CNTN6: variants seen among roughly 807,000 people sequenced by gnomAD.
The protein encoded by CNTN6 is contactin 6.
Under a neutral mutation model 122.8 loss-of-function variants are expected in CNTN6, and 137 were observed. The observed-to-expected ratio is 1.12, with a 90% confidence interval of 0.97 to 1.29. The LOEUF (loss-of-function observed/expected upper bound fraction) is 1.29. Ranked by LOEUF, CNTN6 falls within the 50% of genes most tolerant of loss-of-function variation. CNTN6 has a pLI of 0.00. For synonymous variants in CNTN6, 570 were observed against 426.0 expected (o/e 1.34, Z -4.16); for missense variants, 1,634 against 1,223.4 (o/e 1.34, Z -5.01).
intron 2 of CNTN6, among the ~76,000 whole-genome samples, chr3:1,178,316 T>G (rs907149927): frequency 6.6e-6 from 1 of 152,184 alleles, no homozygotes; most frequent in African/African-American, 2.4e-5. Flanking sequence ...AGGAATTCCT[T>G]AATGACATCT....
chr3:1,255,313 C>G (rs1001155490), intron 4 of CNTN6, among the ~76,000 whole-genome samples: 1 of 151,918 alleles, frequency 6.6e-6, no homozygotes, highest in Non-Finnish European at 1.5e-5. Flanking sequence ...TGTAATCACT[C>G]TCCCATGGTG....
chr3:1,127,149 T>C (rs748876194), intron 1 of CNTN6, among the ~76,000 whole-genome samples: 1 of 151,740 alleles, frequency 6.6e-6, no homozygotes, highest in Non-Finnish European at 1.5e-5. Context: ...ACGAGCAAAA[T>C]AGAAAAGTTG....
intron 11 of CNTN6, among the ~76,000 whole-genome samples, chr3:1,334,375 TA>T (rs1462774754): frequency 1.7e-5 from 1 of 58,972 alleles, no homozygotes; most frequent in Admixed American, 1.9e-4. Flanking sequence ...CTCCTCTTTT[TA>T]TTTTTTTTTT....
intron 1 of CNTN6, among the ~76,000 whole-genome samples, chr3:1,122,527 C>A (rs1225699172): frequency 1.3e-5 from 2 of 150,054 alleles, no homozygotes; most frequent in African/African-American, 2.4e-5. Context: ...TGCACAACCA[C>A]CACTATCCTC....
chr3:1,198,890 A>G lies in CNTN6; in HGVS notation c.56-21797A>G, dbSNP rs751661210. 3.9e-5 allele frequency among the ~76,000 whole-genome samples: 6 copies of G among 152,278 alleles called. No individual in the cohort carries two copies. In the East Asian group the frequency reaches 7.7e-4, roughly 20 times the overall value. ...TTGTTAAAAATCTTGTAATTTGTTA[A>G]AACCTGGATTTTGACTGGGCCTTAA... On this transcript the variant is annotated intron_variant, in intron 2 of 22. Coordinates refer to ENST00000446702, the MANE Select transcript of CNTN6 (RefSeq NM_001289080.2).
At chr3:1,102,105 C>T (rs2090929613) in intron 1 of CNTN6, among the ~76,000 whole-genome samples, 1 of 152,122 alleles carries the variant, frequency 6.6e-6, no homozygotes. Context: ...ATCATTCATG[C>T]ATGTAAGAGG....
intron 11 of CNTN6, among the ~76,000 whole-genome samples, chr3:1,346,835 G>A (rs375392428): frequency 1.3e-5 from 2 of 152,088 alleles, no homozygotes; most frequent in Non-Finnish European, 2.9e-5. Flanking sequence ...CCTCCAAGTG[G>A]ATGTGATGTG....
intron 17 of CNTN6, among the ~76,000 whole-genome samples, chr3:1,382,376 T>C (rs2126177691): frequency 6.6e-6 from 1 of 152,330 alleles, no homozygotes; most frequent in South Asian, 2.1e-4. Flanking sequence ...CAGTTTATTC[T>C]TTCATGTGAG....
chr3:1,309,621 C>T (rs550992195), intron 7 of CNTN6, among the ~76,000 whole-genome samples: 11 of 152,092 alleles, frequency 7.2e-5, no homozygotes, highest in Admixed American at 2.0e-4. Flanking sequence ...TTTTGCTTTC[C>T]TTGTCTTTCC....
chr3:1,278,661 T>C (rs1440152323), intron 5 of CNTN6, among the ~76,000 whole-genome samples, 153 bp downstream of exon 5: 1 of 152,188 alleles, frequency 6.6e-6, no homozygotes, highest in Non-Finnish European at 1.5e-5. Context: ...TAGTTCTATA[T>C]CTAAACATTT....
chr3:1,138,254 A>G (rs534049979), intron 1 of CNTN6, among the ~76,000 whole-genome samples: 1 of 152,202 alleles, frequency 6.6e-6, no homozygotes, highest in African/African-American at 2.4e-5. Context: ...GCTTTTATTA[A>G]TGCAACCTAA....
At chr3:1,335,042 T>C (rs925403183) in intron 11 of CNTN6, among the ~76,000 whole-genome samples, 2 of 152,148 alleles carry the variant, frequency 1.3e-5, no homozygotes, top group Admixed American at 1.3e-4. Flanking sequence ...CCCTTTCTTA[T>C]GATAATGTTT....
chr3:1,175,356 A>ATGAT (rs1397935233), intron 2 of CNTN6, among the ~76,000 whole-genome samples: 1 of 150,832 alleles, frequency 6.6e-6, no homozygotes, highest in African/African-American at 2.5e-5. Flanking sequence ...AATTTTACCA[A>ATGAT]TGATTAGATA....
At chr3:1,171,876 G>A (rs996394944) in intron 2 of CNTN6, among the ~76,000 whole-genome samples, 19 of 152,114 alleles carry the variant, frequency 1.2e-4, no homozygotes, top group African/African-American at 3.6e-4. Context: ...CAAAGTGCTC[G>A]CATTACAGGC....
At position 1,160,660 on chromosome 3, in the gene CNTN6, C is replaced by T. The variant is rs1219584008; in HGVS notation, c.55+12597C>T. Reference sequence around the variant, plus strand: ...TATCACCAATGTAGTCATAAATGTACGTAAAAAAAAAAAAAAAGAAAAATT... The same window carrying T: ...TATCACCAATGTAGTCATAAATGTATGTAAAAAAAAAAAAAAAGAAAAATT... On this transcript the variant is annotated intron_variant, in intron 2 of 22. Transcript: ENST00000446702. Among the ~76,000 whole-genome samples the T allele has an allele frequency of 6.5e-4, 83 of 127,814 alleles. 2 individuals carry two copies. The highest frequency in any genetic ancestry group is 2.3e-3 in the African/African-American group (74 of 32,702). The allele number at this position is 127,814 out of a possible 152,430, so 83.9% of individuals were successfully genotyped here.
intron 4 of CNTN6, among the ~76,000 whole-genome samples, chr3:1,255,597 A>T (rs907057309): frequency 6.6e-6 from 1 of 152,030 alleles, no homozygotes; most frequent in Admixed American, 6.6e-5. Flanking sequence ...CAATTTTAAG[A>T]AATGTATTAT....
In CNTN6 at chr3:1,385,704, G is replaced by A; in HGVS notation, c.2611G>A (p.Ala871Thr). The A allele has an allele frequency of 1.2e-6, 2 of 1,614,130 alleles. No individual in the cohort carries two copies. The highest frequency in any genetic ancestry group is 1.7e-6 in the Non-Finnish European group (2 of 1,179,988). Residue 871 changes from alanine (A) to threonine (T), a missense_variant, in exon 20 of 23, where the codon GCT (alanine) becomes ACT (threonine). Ala to Thr is a moderately conservative substitution (Grantham distance 58, BLOSUM62 0). Coordinates refer to ENST00000446702, the MANE Select transcript of CNTN6 (RefSeq NM_001289080.2). The part of the protein sequence containing the change: ...VTTKNITGLK[A>T]NTIYFASVRA... ...AACCAAAAACATCACGGGGCTGAAAGCTAATACCATCTACTTTGCTTCCGT... is the reference window on the plus strand; with the variant it reads ...AACCAAAAACATCACGGGGCTGAAAACTAATACCATCTACTTTGCTTCCGT...
In CNTN6 at chr3:1,403,521, T is replaced by G. The variant is rs575962665; in HGVS notation, c.*103T>G. ...GATGCGTTCTTAATACAGACTTGTT[T>G]GCAAAGAAAAAAAAAAGTATATTAT... On this transcript the variant is annotated 3_prime_UTR_variant, in exon 23 of 23. Transcript: ENST00000446702. 1 of 563,428 alleles carries G rather than the reference T, an allele frequency of 1.8e-6. No individual in the cohort carries two copies. Among genetic ancestry groups the G allele is most frequent in the East Asian group, 3.1e-5 (1 of 32,402 alleles). 34.9% of individuals were successfully genotyped at this position (563,428 alleles called of 1,614,324 possible). A position where few individuals can be genotyped will look rare whatever the true frequency, so the allele number is the denominator to read the frequency against.
At position 1,158,789 on chromosome 3, in the gene CNTN6, T is replaced by G. The variant is rs1190315754; in HGVS notation, c.55+10726T>G. Among the ~76,000 whole-genome samples, 6 of 110,460 alleles carry G rather than the reference T, an allele frequency of 5.4e-5. 1 individual carries two copies. The highest frequency in any genetic ancestry group is 1.1e-4 in the Non-Finnish European group (6 of 55,548). 72.5% of individuals were successfully genotyped at this position (110,460 alleles called of 152,430 possible). A position where few individuals can be genotyped will look rare whatever the true frequency, so the allele number is the denominator to read the frequency against. On this transcript the variant is annotated intron_variant, in intron 2 of 22. Coordinates refer to ENST00000446702, the MANE Select transcript of CNTN6 (RefSeq NM_001289080.2). The stretch of plus-strand genomic sequence containing the variant: ...ACACACATATATATGTGTGTATATA[T>G]GTGTATATATATACACACATATATA...
Sources: gnomAD v4.1 joint callset for allele counts (sites outside exome capture counted in the v4.1 genomes callset) on GRCh38, gnomAD v4.1.1 for gene constraint, MANE v1.5 for transcripts, NCBI Gene and HGNC (gene_info 2026-07-23, HGNC 2026-07-21) for gene names.